RSRC1: variants seen among roughly 807,000 people sequenced by gnomAD.
The protein encoded by RSRC1 is serine/Arginine-related protein 53.
Under a neutral mutation model 49.1 loss-of-function variants are expected in RSRC1, and 39 were observed. The observed-to-expected ratio is 0.79, with a 90% CI of 0.61 to 1.04. The LOEUF is 1.04. RSRC1 is among the 50% of genes least tolerant of loss of function. RSRC1 has a pLI of 0.00. For missense variants in RSRC1, 388 were observed against 402.4 expected (o/e 0.96, Z 0.31); for synonymous variants, 143 against 130.8 (o/e 1.09, Z -0.63).
intron 3 of RSRC1, among the ~76,000 whole-genome samples, chr3:158,188,316 A>G (rs1210114671): frequency 6.6e-6 from 1 of 151,992 alleles, no homozygotes; most frequent in Admixed American, 6.6e-5. Context: ...ATTAGAACTC[A>G]TCAGAACATC....
intron 1 of RSRC1, among the ~76,000 whole-genome samples, chr3:158,118,462 T>TGTGTGTGCGTGTGTGTGC (rs1491469875): frequency 8.0e-6 from 1 of 124,682 alleles, no homozygotes; most frequent in East Asian, 2.6e-4. Flanking sequence ...TGTGTGTGTG[T>TGTGTGTGCGTGTGTGTGC]GCGCGTGCGC....
intron 6 of RSRC1, among the ~76,000 whole-genome samples, chr3:158,400,971 T>C (rs1733867906): frequency 6.6e-6 from 1 of 152,044 alleles, no homozygotes; most frequent in Non-Finnish European, 1.5e-5. Context: ...TTATACAATA[T>C]TTTAATGGTA....
intron 7 of RSRC1, among the ~76,000 whole-genome samples, chr3:158,531,415 T>C (rs1712394013): frequency 6.6e-6 from 1 of 151,950 alleles, no homozygotes; most frequent in Admixed American, 6.6e-5. Context: ...CTTTCACTTA[T>C]TGAAATATTT....
chr3:158,300,477 C>G (rs1727481810), intron 5 of RSRC1, among the ~76,000 whole-genome samples: 1 of 152,090 alleles, frequency 6.6e-6, no homozygotes, highest in Non-Finnish European at 1.5e-5. Context: ...GCTAAACTCA[C>G]AATTTATGGG....
chr3:158,274,214 A>G (rs1369544976), intron 4 of RSRC1, among the ~76,000 whole-genome samples: 25 of 152,254 alleles, frequency 1.6e-4, no homozygotes. Context: ...AAGTGCTGAG[A>G]ACATGTTTGG....
intron 4 of RSRC1, among the ~76,000 whole-genome samples, chr3:158,207,892 A>C (rs1721438178): frequency 6.6e-6 from 1 of 152,072 alleles, no homozygotes; most frequent in African/African-American, 2.4e-5. Context: ...ATTCTGAAAA[A>C]CCCTTTTTAA....
chr3:158,343,534 A>G (rs1730370440), intron 5 of RSRC1, among the ~76,000 whole-genome samples: 1 of 152,228 alleles, frequency 6.6e-6, no homozygotes, highest in Non-Finnish European at 1.5e-5. Context: ...TTAGTAGACA[A>G]GGACATTATT....
At chr3:158,308,327 T>C (rs1217017404) in intron 5 of RSRC1, among the ~76,000 whole-genome samples, 2 of 151,992 alleles carry the variant, frequency 1.3e-5, no homozygotes, top group Non-Finnish European at 2.9e-5. Context: ...CCCCATTAGA[T>C]GAAAGCAGCA....
chr3:158,340,915 CA>C (rs1378952024), intron 5 of RSRC1, among the ~76,000 whole-genome samples: 1 of 152,114 alleles, frequency 6.6e-6, no homozygotes, highest in Non-Finnish European at 1.5e-5. Context: ...GAGGTGGTCA[CA>C]GATGGAGATG....
At chr3:158,184,680 G>A (rs1719825740) in intron 3 of RSRC1, among the ~76,000 whole-genome samples, 1 of 152,088 alleles carries the variant, frequency 6.6e-6, no homozygotes, top group Non-Finnish European at 1.5e-5. Context: ...GTCCATTTAA[G>A]TTATGTTTTA....
intron 6 of RSRC1, among the ~76,000 whole-genome samples, chr3:158,440,713 G>A (rs1360620955): frequency 1.3e-5 from 2 of 152,082 alleles, no homozygotes; most frequent in Non-Finnish European, 2.9e-5. Context: ...GGAGGCTGAG[G>A]TGGGTGGATC....
intron 3 of RSRC1, among the ~76,000 whole-genome samples, chr3:158,190,036 T>A (rs1238057595): frequency 6.6e-6 from 1 of 151,922 alleles, no homozygotes; most frequent in East Asian, 1.9e-4. Context: ...GCCAATGGGA[T>A]GTAACATGGC....
chr3:158,448,600 G>A (rs1358705322), intron 6 of RSRC1, among the ~76,000 whole-genome samples: 2 of 151,976 alleles, frequency 1.3e-5, no homozygotes, highest in East Asian at 3.9e-4. Flanking sequence ...CAGAAAAGTT[G>A]GGAAGAAAAA....
At chr3:158,123,802 T>C in intron 2 of RSRC1, 64 bp from the exon 3 acceptor site, 1 of 1,460,756 alleles carries the variant, frequency 6.8e-7, no homozygotes, top group African/African-American at 1.4e-5. Flanking sequence ...ATCTAGAAGG[T>C]TTTTCCTTAA....
intron 4 of RSRC1, among the ~76,000 whole-genome samples, chr3:158,260,922 A>G (rs1430484090): frequency 6.6e-6 from 1 of 152,142 alleles, no homozygotes; most frequent in Non-Finnish European, 1.5e-5. Context: ...TCTGCACCAC[A>G]TGGCTGCTGC....
chr3:158,487,745 T>A (rs1738871948), intron 7 of RSRC1, among the ~76,000 whole-genome samples: 2 of 148,884 alleles, frequency 1.3e-5, no homozygotes, highest in Admixed American at 1.3e-4. Flanking sequence ...AGGTCAGGAG[T>A]TCAAGACCAG....
intron 7 of RSRC1, among the ~76,000 whole-genome samples, chr3:158,536,308 G>A (rs1319711536): frequency 6.6e-6 from 1 of 151,352 alleles, no homozygotes; most frequent in Non-Finnish European, 1.5e-5. Context: ...GCCAGATCCA[G>A]AATCTAGAAA....
chr3:158,119,463 T>A (rs998849822), intron 1 of RSRC1, among the ~76,000 whole-genome samples: 6 of 152,286 alleles, frequency 3.9e-5, no homozygotes, highest in African/African-American at 1.4e-4. Context: ...GATAGCAAGA[T>A]AGTAAAAGCT....
chr3:158,197,510 C>T (rs1720711819), intron 3 of RSRC1, among the ~76,000 whole-genome samples: 1 of 152,066 alleles, frequency 6.6e-6, no homozygotes, highest in African/African-American at 2.4e-5. Flanking sequence ...TTCAGTTCTG[C>T]TCTGATGTTA....
Sources: allele counts gnomAD v4.1 joint callset (sites outside exome capture counted in the v4.1 genomes callset), GRCh38; gene constraint gnomAD v4.1.1; transcripts MANE v1.5; gene names NCBI Gene and HGNC (gene_info 2026-07-23, HGNC 2026-07-21).